RNLS: variants seen among roughly 807,000 people sequenced by gnomAD.
RNLS encodes the protein renalase, FAD dependent amine oxidase, also known as renalase.
RNLS carries 39 observed loss-of-function variants against 39.8 expected under a neutral mutation model. That is an observed-to-expected ratio of 0.98 (90% CI 0.76 to 1.28). RNLS has a LOEUF of 1.28. Ranked by LOEUF, RNLS falls within the 50% of genes most tolerant of loss-of-function variation. The pLI is 0.00. For missense variants in RNLS, 410 were observed against 413.3 expected (o/e 0.99, Z 0.07); for synonymous variants, 147 against 150.7 (o/e 0.98, Z 0.18).
intron 4 of RNLS, among the ~76,000 whole-genome samples, chr10:88,539,080 A>C (rs2134275101): frequency 6.6e-6 from 1 of 152,280 alleles, no homozygotes; most frequent in South Asian, 2.1e-4. Flanking sequence ...TGTTTCTAAA[A>C]GACTAAGGAA....
Position 88,337,529 on chromosome 10 carries a change from T to C in RNLS, c.701-22888A>G, listed in dbSNP as rs142396398. 7.3e-4 allele frequency among the ~76,000 whole-genome samples: 111 copies of C among 152,316 alleles called. 1 individual carries two copies. Among genetic ancestry groups the C allele is most frequent in the Non-Finnish European group, 1.1e-3 (77 of 68,026 alleles). On this transcript the variant is annotated intron_variant, in intron 5 of 6. Coordinates refer to ENST00000331772, the MANE Select transcript of RNLS (RefSeq NM_001031709.3). ...TCAATAAGACTCAATTCCAAAATTA[T>C]TGTGCTTTGAGGAAAATGGTCTTGC...
chr10:88,249,102 G>A, the RNLS span, among the ~76,000 whole-genome samples: 3 of 152,202 alleles, frequency 2.0e-5, no homozygotes, highest in Non-Finnish European at 4.4e-5. Context: ...TTCTGGATGG[G>A]TTATGCCAAT....
Position 88,487,456 on chromosome 10 carries a change from T to C in RNLS, c.526+85447A>G, listed in dbSNP as rs138740869. On this transcript the variant is annotated intron_variant, in intron 4 of 6. Transcript: ENST00000331772. Reference sequence around the variant, plus strand: ...CAGTTTACTGAAGAAGACATATAGATGGTAAATAAGCACATGAAATAATGT... The same window carrying C: ...CAGTTTACTGAAGAAGACATATAGACGGTAAATAAGCACATGAAATAATGT... Among the ~76,000 whole-genome samples, 337 of 152,236 alleles carry C rather than the reference T, an allele frequency of 2.2e-3. 2 individuals are homozygous for C. Among genetic ancestry groups the C allele is most frequent in the African/African-American group, 7.6e-3 (317 of 41,570 alleles).
At chr10:88,236,925 G>A in the RNLS span, among the ~76,000 whole-genome samples, 1 of 151,970 alleles carries the variant, frequency 6.6e-6, no homozygotes, top group Non-Finnish European at 1.5e-5. Context: ...CTAAGTACAG[G>A]GCTACTTCGA....
intron 4 of RNLS, among the ~76,000 whole-genome samples, chr10:88,447,316 C>G (rs1842092688): frequency 6.6e-6 from 1 of 152,188 alleles, no homozygotes; most frequent in Admixed American, 6.5e-5. Flanking sequence ...TCAGCAAAGT[C>G]TCAGGATACA....
the RNLS span, among the ~76,000 whole-genome samples, chr10:88,213,650 C>G: frequency 1.3e-5 from 2 of 152,130 alleles, no homozygotes; most frequent in Non-Finnish European, 2.9e-5. Context: ...TTGAAACTCC[C>G]CAGTTGAAGA....
At chr10:88,484,781 T>G (rs910752553) in intron 4 of RNLS, among the ~76,000 whole-genome samples, 1 of 151,894 alleles carries the variant, frequency 6.6e-6, no homozygotes, top group African/African-American at 2.4e-5. Flanking sequence ...ACCCTTAAAT[T>G]TATTAGGTCT....
chr10:88,452,176 C>A (rs1049956074), intron 4 of RNLS, among the ~76,000 whole-genome samples: 2 of 152,164 alleles, frequency 1.3e-5, no homozygotes, highest in African/African-American at 4.8e-5. Flanking sequence ...AAGTAGAGAA[C>A]TCTTTTGAGA....
chr10:88,397,169 C>A (rs1852611052), intron 4 of RNLS, among the ~76,000 whole-genome samples: 1 of 151,998 alleles, frequency 6.6e-6, no homozygotes, highest in African/African-American at 2.4e-5. Flanking sequence ...ATAATACATT[C>A]TTCTCAAGTG....
chr10:88,262,029 C>T, the RNLS span, among the ~76,000 whole-genome samples: 4 of 152,038 alleles, frequency 2.6e-5, no homozygotes, highest in African/African-American at 9.7e-5. Flanking sequence ...GAAAGGCAAA[C>T]CGGCTGGAGA....
downstream of RNLS, among the ~76,000 whole-genome samples, chr10:88,283,746 G>A (rs1412444682): frequency 2.0e-5 from 3 of 152,040 alleles, no homozygotes. Context: ...ACTAACAAGA[G>A]GGAGCTAAAT....
At chr10:88,261,544 A>C in the RNLS span, among the ~76,000 whole-genome samples, 1 of 152,176 alleles carries the variant, frequency 6.6e-6, no homozygotes, top group Non-Finnish European at 1.5e-5. Context: ...TTATACATGG[A>C]AGTGACACAT....
intron 4 of RNLS, among the ~76,000 whole-genome samples, chr10:88,397,462 T>C (rs904022972): frequency 2.0e-5 from 3 of 151,942 alleles, no homozygotes; most frequent in African/African-American, 4.8e-5. Flanking sequence ...TTACTGGATG[T>C]AGGTAAGCAG....
At chr10:88,428,708 C>T (rs1334506060) in intron 4 of RNLS, among the ~76,000 whole-genome samples, 2 of 151,926 alleles carry the variant, frequency 1.3e-5, no homozygotes, top group Non-Finnish European at 2.9e-5. Flanking sequence ...GCACTGAATT[C>T]AAAGGGACAC....
intron 4 of RNLS, among the ~76,000 whole-genome samples, chr10:88,407,102 A>C (rs959256336): frequency 2.6e-5 from 4 of 152,082 alleles, no homozygotes; most frequent in African/African-American, 9.7e-5. Flanking sequence ...TGCAGTGTAC[A>C]CTGCTCAGAT....
intron 4 of RNLS, among the ~76,000 whole-genome samples, chr10:88,469,378 T>C (rs1475087118): frequency 2.6e-5 from 4 of 152,154 alleles, no homozygotes. Flanking sequence ...CTGGGGATCT[T>C]GACTGTATAA....
At chr10:88,321,637 T>C (rs753119628) in intron 5 of RNLS, among the ~76,000 whole-genome samples, 1 of 151,782 alleles carries the variant, frequency 6.6e-6, no homozygotes, top group Non-Finnish European at 1.5e-5. Context: ...ACTGCATAAA[T>C]ACAAAAGATT....
At chr10:88,341,227 G>A (rs1181816239) in intron 5 of RNLS, among the ~76,000 whole-genome samples, 6 of 151,248 alleles carry the variant, frequency 4.0e-5, no homozygotes, top group African/African-American at 1.5e-4. Context: ...TACTTGGGAG[G>A]CTGAGGCAGG....
intron 5 of RNLS, among the ~76,000 whole-genome samples, chr10:88,321,922 T>A (rs1846212627): frequency 1.3e-5 from 2 of 152,184 alleles, no homozygotes; most frequent in African/African-American, 4.8e-5. Context: ...TCCAAAACAC[T>A]GAGGCGGAGG....
Sources: allele counts gnomAD v4.1 joint callset (sites outside exome capture counted in the v4.1 genomes callset), GRCh38; gene constraint gnomAD v4.1.1; transcripts MANE v1.5; gene names NCBI Gene and HGNC (gene_info 2026-07-23, HGNC 2026-07-21).